Variants in MDGA2 observed in about 807,000 individuals in gnomAD.
The protein encoded by MDGA2 is MAM domain-containing glycosylphosphatidylinositol anchor protein 2.
A neutral mutation model predicts 117.8 loss-of-function variants in MDGA2; 40 were observed. That is an observed-to-expected ratio of 0.34 (90% CI 0.26 to 0.44). The LOEUF is 0.44. Ranked by LOEUF, MDGA2 falls within the 20% of genes least tolerant of loss-of-function variation. The pLI, the probability that MDGA2 is intolerant of heterozygous loss-of-function variation, is 1.00. For missense variants in MDGA2, 1,123 were observed against 1,250.6 expected (o/e 0.90, Z 1.54); for synonymous variants, 452 against 439.0 (o/e 1.03, Z -0.37).
At chr14:46,957,119 A>G (rs1313339259) in intron 9 of MDGA2, among the ~76,000 whole-genome samples, 1 of 151,972 alleles carries the variant, frequency 6.6e-6, no homozygotes, top group African/African-American at 2.4e-5. Context: ...TGACTAATAT[A>G]ATAACCAATT....
intron 2 of MDGA2, among the ~76,000 whole-genome samples, chr14:47,250,748 A>C (rs951999500): frequency 6.6e-6 from 1 of 152,222 alleles, no homozygotes; most frequent in East Asian, 1.9e-4. Flanking sequence ...AGACAAAGAA[A>C]GTTTTCCACA....
intron 3 of MDGA2, chr14:47,200,919 G>A: frequency 5.9e-6 from 5 of 844,244 alleles, no homozygotes; most frequent in Admixed American, 1.7e-5. Flanking sequence ...TTGGTCTTGT[G>A]GGGCAGCAAG....
intron 1 of MDGA2, among the ~76,000 whole-genome samples, chr14:47,643,441 G>C (rs1469219146): frequency 6.6e-6 from 1 of 151,908 alleles, no homozygotes; most frequent in Non-Finnish European, 1.5e-5. Context: ...TTGCTATATG[G>C]AAATTACCTA....
At chr14:47,540,515 T>C (rs1015558540) in intron 1 of MDGA2, among the ~76,000 whole-genome samples, 1 of 96,276 alleles carries the variant, frequency 1.0e-5, no homozygotes, top group Non-Finnish European at 2.2e-5. Flanking sequence ...TATATGTATA[T>C]GTATATGTGT....
intron 7 of MDGA2, among the ~76,000 whole-genome samples, chr14:47,051,749 T>C (rs567538425): frequency 6.6e-6 from 1 of 151,892 alleles, no homozygotes; most frequent in African/African-American, 2.4e-5. Flanking sequence ...CACTACCACA[T>C]AGAAGAAAAT....
At position 47,005,707 on chromosome 14, in the gene MDGA2, A is replaced by G. The variant is rs192153237; in HGVS notation, c.1819+29304T>C. Among the ~76,000 whole-genome samples the G allele has an allele frequency of 1.5e-4, 23 of 151,656 alleles. No homozygotes were observed. The East Asian group carries it at 3.7e-3, about 24-fold the overall frequency. On this transcript the variant is annotated intron_variant, in intron 8 of 16. Transcript: ENST00000399232. ...AATATGACCTAATTTTGATATTAAA[A>G]TTTTATACAGTTATTTTTCTATTTT...
At chr14:47,437,522 G>T (rs1201348801) in intron 1 of MDGA2, among the ~76,000 whole-genome samples, 1 of 152,058 alleles carries the variant, frequency 6.6e-6, no homozygotes, top group Non-Finnish European at 1.5e-5. Flanking sequence ...TTTCTTTAGT[G>T]GCTATAGTAT....
intron 14 of MDGA2, among the ~76,000 whole-genome samples, chr14:46,867,456 T>C (rs567535262): frequency 6.6e-6 from 1 of 152,198 alleles, no homozygotes; most frequent in East Asian, 1.9e-4. Context: ...GACGAGTTAG[T>C]GGGTGCAGCG....
At chr14:47,346,042 G>C (rs1462848237) in intron 1 of MDGA2, among the ~76,000 whole-genome samples, 1 of 151,886 alleles carries the variant, frequency 6.6e-6, no homozygotes, top group Non-Finnish European at 1.5e-5. Flanking sequence ...AATGACTATA[G>C]TTAACAATAA....
chr14:46,968,520 TAA>T, intron 8 of MDGA2, among the ~76,000 whole-genome samples: 1 of 152,044 alleles, frequency 6.6e-6, no homozygotes, highest in East Asian at 1.9e-4. Flanking sequence ...TAGAAAAATA[TAA>T]AGACTTCATT....
chr14:47,086,600 A>C (rs1484604695), intron 6 of MDGA2, among the ~76,000 whole-genome samples: 2 of 98,946 alleles, frequency 2.0e-5, no homozygotes, highest in South Asian at 7.9e-4. Flanking sequence ...TAAAGATAGA[A>C]GTTAAACATA....
chr14:47,381,431 G>A (rs1891623024), intron 1 of MDGA2, among the ~76,000 whole-genome samples: 1 of 152,174 alleles, frequency 6.6e-6, no homozygotes, highest in Non-Finnish European at 1.5e-5. Flanking sequence ...GTCCCTGTTT[G>A]CAGATGACAT....
chr14:47,066,057 G>C (rs190534286), intron 6 of MDGA2, among the ~76,000 whole-genome samples: 2 of 152,268 alleles, frequency 1.3e-5, no homozygotes, highest in Admixed American at 1.3e-4. Context: ...CCCACTGAAT[G>C]CCAATTAAAT....
At chr14:47,539,569 T>C (rs1895295071) in intron 1 of MDGA2, among the ~76,000 whole-genome samples, 1 of 152,176 alleles carries the variant, frequency 6.6e-6, no homozygotes, top group Non-Finnish European at 1.5e-5. Flanking sequence ...ATCATTTCTA[T>C]TCTGTTATCT....
rs183909554 is a variant in MDGA2, at chr14:47,138,172, T to G, written c.792+5906A>C. Among the ~76,000 whole-genome samples, 10 of 152,284 alleles carry G rather than the reference T, an allele frequency of 6.6e-5. No homozygotes were observed. The East Asian group carries it at 1.7e-3, about 26-fold the overall frequency. On this transcript the variant is annotated intron_variant, in intron 4 of 16. Transcript: ENST00000399232. The stretch of plus-strand genomic sequence containing the variant: ...ATATGTATACCTGTGATAATGAGTA[T>G]AATTTAGGCTTTACTATTTATAACT...
intron 3 of MDGA2, among the ~76,000 whole-genome samples, chr14:47,170,133 C>T (rs1884059985): frequency 6.6e-6 from 1 of 152,144 alleles, no homozygotes; most frequent in South Asian, 2.1e-4. Context: ...TAAGTTCATG[C>T]CCTTTAATCC....
intron 7 of MDGA2, among the ~76,000 whole-genome samples, chr14:47,045,913 C>T (rs1010124111): frequency 5.3e-5 from 8 of 149,606 alleles, no homozygotes; most frequent in Admixed American, 1.4e-4. Flanking sequence ...TGCAATGAGC[C>T]GAGATTGTGC....
At chr14:47,291,382 C>T (rs1454390346) in intron 2 of MDGA2, among the ~76,000 whole-genome samples, 1 of 152,142 alleles carries the variant, frequency 6.6e-6, no homozygotes, top group Non-Finnish European at 1.5e-5. Flanking sequence ...CCACACTACT[C>T]GCTGCTTCCT....
intron 1 of MDGA2, among the ~76,000 whole-genome samples, chr14:47,445,963 C>G (rs997535799): frequency 3.5e-4 from 53 of 152,246 alleles, no homozygotes; most frequent in African/African-American, 1.2e-3. Context: ...TTCCATAACT[C>G]TTGTAGGGAC....
Sources: allele counts gnomAD v4.1 joint callset (sites outside exome capture counted in the v4.1 genomes callset), GRCh38; gene constraint gnomAD v4.1.1; transcripts MANE v1.5; gene names NCBI Gene and HGNC (gene_info 2026-07-23, HGNC 2026-07-21).